Variants in PPP1R9A observed in about 807,000 individuals in gnomAD.
PPP1R9A encodes the protein neurabin-1.
A neutral mutation model predicts 141.9 loss-of-function variants in PPP1R9A; 59 were observed. The ratio of observed to expected loss-of-function variants is 0.42; its 90% CI spans 0.34 to 0.52. The LOEUF is 0.52. Among genes scored for constraint, PPP1R9A ranks in the 20% least tolerant of loss-of-function variants. The pLI is 0.10. For missense variants in PPP1R9A, 1,444 were observed against 1,611.9 expected (o/e 0.90, Z 1.78); for synonymous variants, 500 against 569.7 (o/e 0.88, Z 1.74).
chr7:94,954,288 A>G (rs534795575), intron 2 of PPP1R9A, among the ~76,000 whole-genome samples: 13 of 152,068 alleles, frequency 8.5e-5, no homozygotes, highest in African/African-American at 2.9e-4. Context: ...TCCTTTGGCC[A>G]TGAATTATTT....
chr7:94,966,362 G>C (rs545531390), intron 2 of PPP1R9A, among the ~76,000 whole-genome samples: 2 of 152,084 alleles, frequency 1.3e-5, no homozygotes, highest in Non-Finnish European at 2.9e-5. Flanking sequence ...TGTTGAATAG[G>C]AGTGGTGAGA....
chr7:94,962,606 T>G (rs1343782981), intron 2 of PPP1R9A, among the ~76,000 whole-genome samples: 2 of 152,098 alleles, frequency 1.3e-5, no homozygotes, highest in East Asian at 3.9e-4. Context: ...TATAAGCGTA[T>G]AGTATTCAAT....
intron 2 of PPP1R9A, among the ~76,000 whole-genome samples, chr7:94,935,711 A>G (rs958832995): frequency 1.3e-5 from 2 of 152,208 alleles, no homozygotes; most frequent in Non-Finnish European, 2.9e-5. Context: ...ATTTTATAAT[A>G]ATGAATGTAG....
At chr7:95,262,086 C>T (rs1156561890) in intron 12 of PPP1R9A, among the ~76,000 whole-genome samples, 3 of 152,082 alleles carry the variant, frequency 2.0e-5, no homozygotes, top group Admixed American at 1.3e-4. Flanking sequence ...CTTGGGGTTA[C>T]CTAATATCCA....
intron 7 of PPP1R9A, among the ~76,000 whole-genome samples, chr7:95,210,508 C>T (rs932984979): frequency 1.3e-5 from 2 of 151,480 alleles, no homozygotes; most frequent in East Asian, 2.0e-4. Context: ...CTCTGTCGCT[C>T]AGGCTGGAGT....
chr7:95,082,167 G>T (rs532227257), intron 2 of PPP1R9A, among the ~76,000 whole-genome samples: 1 of 152,116 alleles, frequency 6.6e-6, no homozygotes, highest in African/African-American at 2.4e-5. Context: ...CTTGCTTTAC[G>T]TTTCTGCTGT....
At chr7:95,142,539 G>A (rs1826889440) in intron 4 of PPP1R9A, among the ~76,000 whole-genome samples, 1 of 151,948 alleles carries the variant, frequency 6.6e-6, no homozygotes, top group Non-Finnish European at 1.5e-5. Flanking sequence ...TAAGGTGTGA[G>A]GAAGGGATAT....
At chr7:95,255,532 G>T (rs73223904) in intron 12 of PPP1R9A, among the ~76,000 whole-genome samples, 42 of 152,204 alleles carry the variant, frequency 2.8e-4, no homozygotes, top group Non-Finnish European at 5.1e-4. Context: ...TTCCAGGCAG[G>T]CCTTAGGTGG....
At chr7:95,126,590 C>T (rs529640313) in intron 4 of PPP1R9A, among the ~76,000 whole-genome samples, 1 of 152,124 alleles carries the variant, frequency 6.6e-6, no homozygotes, top group African/African-American at 2.4e-5. Context: ...CCTCTGCTAT[C>T]CTGGAAAACT....
intron 2 of PPP1R9A, among the ~76,000 whole-genome samples, chr7:94,984,992 G>A (rs1188157067): frequency 6.6e-6 from 1 of 151,858 alleles, no homozygotes; most frequent in Non-Finnish European, 1.5e-5. Context: ...TTCCTTCTAC[G>A]CACTGTTTTA....
intron 2 of PPP1R9A, among the ~76,000 whole-genome samples, chr7:95,007,307 C>CT (rs962969648): frequency 3.3e-5 from 5 of 152,110 alleles, no homozygotes; most frequent in African/African-American, 1.2e-4. Context: ...GGAGACTGTC[C>CT]TGTGCATTGT....
At chr7:95,022,030 G>T (rs1250215355) in intron 2 of PPP1R9A, among the ~76,000 whole-genome samples, 1 of 152,086 alleles carries the variant, frequency 6.6e-6, no homozygotes, top group Non-Finnish European at 1.5e-5. Flanking sequence ...AGCTTGATGG[G>T]AATCACACTG....
intron 7 of PPP1R9A, among the ~76,000 whole-genome samples, chr7:95,212,575 G>A (rs1157334615): frequency 6.6e-6 from 1 of 152,120 alleles, no homozygotes; most frequent in East Asian, 1.9e-4. Context: ...AAGATCTTAT[G>A]AAAATGGTTC....
chr7:95,218,705 C>T (rs1389102068), intron 7 of PPP1R9A, among the ~76,000 whole-genome samples: 2 of 151,896 alleles, frequency 1.3e-5, no homozygotes, highest in African/African-American at 4.8e-5. Context: ...TTGAATTGAT[C>T]CCTTTACCAT....
intron 7 of PPP1R9A, among the ~76,000 whole-genome samples, chr7:95,224,982 G>T (rs1794947293): frequency 6.6e-6 from 1 of 152,004 alleles, no homozygotes; most frequent in African/African-American, 2.4e-5. Flanking sequence ...ATATCATAAG[G>T]TATAGATTTC....
chr7:95,009,110 T>C (rs1162014327), intron 2 of PPP1R9A, among the ~76,000 whole-genome samples: 1 of 151,930 alleles, frequency 6.6e-6, no homozygotes, highest in Non-Finnish European at 1.5e-5. Flanking sequence ...ATGAAAACAC[T>C]TGGACACAGG....
At chr7:95,195,389 C>T (rs1836107513) in intron 5 of PPP1R9A, among the ~76,000 whole-genome samples, 1 of 150,832 alleles carries the variant, frequency 6.6e-6, no homozygotes, top group Non-Finnish European at 1.5e-5. Flanking sequence ...CAAGCAGTCT[C>T]CCCACTTCAG....
chr7:95,149,917 A>G (rs1160646555), intron 4 of PPP1R9A, among the ~76,000 whole-genome samples: 1 of 152,004 alleles, frequency 6.6e-6, no homozygotes, highest in Admixed American at 6.6e-5. Flanking sequence ...AAGGGAAATA[A>G]CAAAGTTGGA....
At chr7:94,909,429 T>C (rs776096421) in intron 1 of PPP1R9A, among the ~76,000 whole-genome samples, 1 of 152,252 alleles carries the variant, frequency 6.6e-6, no homozygotes, top group Non-Finnish European at 1.5e-5. Flanking sequence ...TTTTGGAGTT[T>C]GTAAACATAG....
Sources: gnomAD v4.1 joint callset for allele counts (sites outside exome capture counted in the v4.1 genomes callset) on GRCh38, gnomAD v4.1.1 for gene constraint, MANE v1.5 for transcripts, NCBI Gene and HGNC (gene_info 2026-07-23, HGNC 2026-07-21) for gene names.